MZT2A: variants seen among roughly 807,000 people sequenced by gnomAD.
MZT2A encodes the protein mitotic-spindle organizing protein 2A.
In MZT2A, 8 loss-of-function variants were observed where a neutral mutation model predicts 12.4. The observed-to-expected ratio is 0.64, with a 90% confidence interval of 0.38 to 1.16. The LOEUF (loss-of-function observed/expected upper bound fraction) is 1.16, where lower values mean the gene tolerates loss of function less well. Among genes scored for constraint, MZT2A ranks in the 50% most tolerant of loss-of-function variants. MZT2A has a pLI of 0.01. For synonymous variants in MZT2A, 88 were observed against 107.5 expected (o/e 0.82, Z 1.12); for missense variants, 181 against 223.6 (o/e 0.81, Z 1.22).
Position 131,471,453 on chromosome 2 carries a change from AAAAAG to A in MZT2A, c.393+610_393+614del, listed in dbSNP as rs1330790489. Among the ~76,000 whole-genome samples, 34 of 129,034 alleles carry A rather than the reference AAAAAG, an allele frequency of 2.6e-4. 3 individuals are homozygous for A. Among genetic ancestry groups the A allele is most frequent in the African/African-American group, 1.6e-3 (32 of 20,508 alleles). The allele number at this position is 129,034 out of a possible 152,430, so 84.7% of individuals were successfully genotyped here. A position where few individuals can be genotyped will look rare whatever the true frequency, so the allele number is the denominator to read the frequency against. ...AGAGAGACTCTGTCTCAAAAAAAAA[AAAAAG>A]AAAAAAAGAAAAGAAAAAAGAACCT... is the stretch of plus-strand genomic sequence containing the variant. On this transcript the variant is annotated intron_variant and NMD_transcript_variant, in intron 3 of 4. Transcript: ENST00000427024.
chr2:131,490,762 G>A lies in MZT2A; in HGVS notation c.319+1114C>T, dbSNP rs1199402506. On this transcript the variant is annotated intron_variant, in intron 2 of 2. Coordinates refer to ENST00000309451, the MANE Select transcript of MZT2A (RefSeq NM_001085365.2). ...AAGAGAGGCGGAGGGAACCCGGGGG[G>A]CCTGGAGAGAGAGGTGAGTGTGTGG... 1.1e-5 allele frequency: 17 copies of A among 1,549,624 alleles called. No individual in the cohort carries two copies. The South Asian group carries it at 1.8e-4, about 16-fold the overall frequency.
intron 3 of MZT2A, among the ~76,000 whole-genome samples, chr2:131,470,916 GAAGA>G (rs1704969840): frequency 7.0e-6 from 1 of 142,462 alleles, no homozygotes; most frequent in Non-Finnish European, 1.5e-5. Flanking sequence ...AGAAAATTAA[GAAGA>G]AAGAGATTTA....
At chr2:131,469,808 C>CCCT (rs1390873773) in intron 4 of MZT2A, 1 of 131,494 alleles carries the variant, frequency 7.6e-6, no homozygotes, top group African/African-American at 3.9e-5. Context: ...TCCTCCCCCC[C>CCCT]TTTTTTTTTT....
At chr2:131,490,819 C>T (rs1679263978) in intron 2 of MZT2A, 18 of 1,549,810 alleles carry the variant, frequency 1.2e-5, no homozygotes, top group Admixed American at 7.8e-5. Context: ...CCAGAGAGGC[C>T]GCAGGCTGCG....
chr2:131,472,789 G>A lies in MZT2A; in HGVS notation c.279-607C>T, dbSNP rs576052234. 4.4e-4 allele frequency among the ~76,000 whole-genome samples: 67 copies of A among 152,304 alleles called. 1 individual carries two copies. Among genetic ancestry groups the A allele is most frequent in the African/African-American group, 1.5e-3 (62 of 41,540 alleles). On this transcript the variant is annotated intron_variant and NMD_transcript_variant, in intron 2 of 4. Coordinates refer to the MZT2A transcript ENST00000427024. The stretch of plus-strand genomic sequence containing the variant: ...TACCTGATGATGCATTGTCGAGAAC[G>A]TATCCCAGCCGCTGAAGGACGCGTG...
At chr2:131,489,257 C>T (rs1398947527) in intron 2 of MZT2A, 2 of 152,800 alleles carry the variant, frequency 1.3e-5, no homozygotes, top group African/African-American at 2.4e-5. Context: ...AGTCCAGTCA[C>T]AAGCTCTTGG....
upstream of MZT2A, chr2:131,492,485 G>A (rs548002297): frequency 1.2e-5 from 14 of 1,131,624 alleles, no homozygotes; most frequent in South Asian, 5.4e-4. Context: ...CTGCCCTGGC[G>A]GGAGCGGCGG....
At chr2:131,488,527 C>G (rs1285489787) in intron 2 of MZT2A, among the ~76,000 whole-genome samples, 3 of 152,140 alleles carry the variant, frequency 2.0e-5, no homozygotes, top group Admixed American at 6.5e-5. Flanking sequence ...GGCCTCCATG[C>G]CCCTCCCCCC....
chr2:131,480,596 A>C (rs2463337), downstream of MZT2A: 4 of 1,597,974 alleles, frequency 2.5e-6, no homozygotes, highest in Non-Finnish European at 3.4e-6. Context: ...CAGCCAATCA[A>C]ATGGTCAAGT....
chr2:131,480,616 G>A (rs534014250), downstream of MZT2A: 18 of 1,613,394 alleles, frequency 1.1e-5, no homozygotes, highest in South Asian at 9.9e-5. Context: ...TGTGACCCTC[G>A]CCACGGCAAG....
intron 2 of MZT2A, chr2:131,490,122 T>A: frequency 1.4e-6 from 1 of 694,090 alleles, no homozygotes; most frequent in Non-Finnish European, 1.8e-6. Flanking sequence ...GTCAGGAGGC[T>A]CATGCAGGAG....
intron 2 of MZT2A, chr2:131,489,518 C>A (rs1679201183): frequency 6.7e-6 from 1 of 148,318 alleles, no homozygotes; most frequent in African/African-American, 2.6e-5. Flanking sequence ...GCACCTGCCA[C>A]CATGCCTGGC....
intron 2 of MZT2A, among the ~76,000 whole-genome samples, 193 bp from the exon 3 acceptor site, chr2:131,484,411 G>A (rs1472786730): frequency 6.6e-6 from 1 of 152,236 alleles, no homozygotes; most frequent in Non-Finnish European, 1.5e-5. Flanking sequence ...AGAAGCCCTT[G>A]GCAGTGTGCA....
At chr2:131,492,848 A>T, upstream of MZT2A, 1 of 1,478,568 alleles carries the variant, frequency 6.8e-7, no homozygotes, top group Non-Finnish European at 9.1e-7. Context: ...CTAGGGAGAA[A>T]GTGCGTGAGC....
chr2:131,472,293 C>T lies in MZT2A; in HGVS notation c.279-111G>A, dbSNP rs572800137. ...AAATGATTTAATAATTCACAGGACT[C>T]TTTTTATTGCTGTATACTAAATAAA... On this transcript the variant is annotated intron_variant and NMD_transcript_variant, in intron 2 of 4. Transcript: ENST00000427024. 849 of 913,058 alleles carry T rather than the reference C, an allele frequency of 9.3e-4. 6 individuals carry two copies. Among genetic ancestry groups the T allele is most frequent in the Admixed American group, 6.1e-3 (209 of 34,270 alleles). 56.6% of individuals were successfully genotyped at this position (913,058 alleles called of 1,614,324 possible).
At position 131,484,053 on chromosome 2, in the gene MZT2A, G is replaced by A; in HGVS notation, c.*8C>T. On this transcript the variant is annotated 3_prime_UTR_variant, in exon 3 of 3. Coordinates refer to ENST00000309451, the MANE Select transcript of MZT2A (RefSeq NM_001085365.2). ...GGGGACAAAGATGTGACAAGTCTCT[G>A]CCCCATCCTAGGTGCTGCCCTGCGT... The A allele has an allele frequency of 6.3e-7, 1 of 1,599,844 alleles. No individual in the cohort carries two copies. Among genetic ancestry groups the A allele is most frequent in the Non-Finnish European group, 8.5e-7 (1 of 1,169,872 alleles).
At chr2:131,490,828 C>A in intron 2 of MZT2A, 2 of 1,549,946 alleles carry the variant, frequency 1.3e-6, no homozygotes, top group Non-Finnish European at 1.7e-6. Context: ...CCGCAGGCTG[C>A]GGGCTGGAGG....
chr2:131,480,492 T>G (rs140040647), downstream of MZT2A: 8 of 1,590,260 alleles, frequency 5.0e-6, 1 homozygote, highest in East Asian at 2.2e-5. Flanking sequence ...CCGCATCCAC[T>G]TCCCCCTGGC....
chr2:131,490,329 T>A (rs1453475124), intron 2 of MZT2A: 14 of 1,036,340 alleles, frequency 1.4e-5, no homozygotes, highest in Non-Finnish European at 1.7e-5. Flanking sequence ...CCTCCAGACT[T>A]CCTGTCCAGG....
Sources: allele counts gnomAD v4.1 joint callset (sites outside exome capture counted in the v4.1 genomes callset), GRCh38; gene constraint gnomAD v4.1.1; transcripts MANE v1.5; gene names NCBI Gene and HGNC (gene_info 2026-07-23, HGNC 2026-07-21).